The following REV3L variants were observed in gnomAD, a reference collection of about 807,000 sequenced individuals.
REV3L encodes the protein DNA polymerase zeta catalytic subunit.
Under a neutral mutation model 299.4 loss-of-function variants are expected in REV3L, and 69 were observed. That is an observed-to-expected ratio of 0.23 (90% CI 0.19 to 0.28). The LOEUF is 0.28. REV3L is among the 10% of genes least tolerant of loss of function. The pLI, the probability that REV3L is intolerant of heterozygous loss-of-function variation, is 1.00. For synonymous variants in REV3L, 1,238 were observed against 1,271.4 expected (o/e 0.97, Z 0.56); for missense variants, 3,128 against 3,693.8 (o/e 0.85, Z 3.97).
At chr6:111,369,367 C>G (rs1023930880) in intron 13 of REV3L, among the ~76,000 whole-genome samples, 4 of 151,338 alleles carry the variant, frequency 2.6e-5, no homozygotes, top group African/African-American at 9.7e-5. Context: ...ATTGCTATAA[C>G]CCACTGGGAA....
Position 111,367,639 on chromosome 6 carries a change from G to C in REV3L, c.6149C>G (p.Pro2050Arg). ...SVNPDDKPVV[P>R]PKMDVSPCIL... is the part of the protein sequence containing the mutation. The stretch of plus-strand genomic sequence containing the variant: ...ACATGGACTTACATCCATTTTTGGA[G>C]GCACTACAGGTTTGTCATCTGGGTT... Residue 2050 changes from proline to arginine, a missense_variant, in exon 14 of 32, where the codon CCT (proline) becomes CGT (arginine). This residue lies in a region of REV3L where 2,409 missense variants were observed against 2,611.8 expected (regional missense o/e 0.92). Transcript: ENST00000368802. 6.2e-7 allele frequency: 1 copy of C among 1,614,168 alleles called. No homozygotes were observed. The highest frequency in any genetic ancestry group is 8.5e-7 in the Non-Finnish European group (1 of 1,180,024).
chr6:111,435,202 C>G (rs1347499628), intron 1 of REV3L, among the ~76,000 whole-genome samples: 3 of 152,120 alleles, frequency 2.0e-5, no homozygotes, highest in Non-Finnish European at 4.4e-5. Flanking sequence ...ACAGCAAGAT[C>G]CTGTCTCAAA....
chr6:111,412,814 T>C (rs937382615), intron 2 of REV3L, among the ~76,000 whole-genome samples: 1 of 151,434 alleles, frequency 6.6e-6, no homozygotes, highest in African/African-American at 2.4e-5. Flanking sequence ...GGGTTCCTCA[T>C]CTCATCCTTG....
At chr6:111,351,932 G>A (rs1377068990) in intron 18 of REV3L, 141 bp from the exon 19 acceptor site, 2 of 546,168 alleles carry the variant, frequency 3.7e-6, no homozygotes, top group African/African-American at 3.9e-5. Flanking sequence ...GGATGATACA[G>A]TGGTACCTAC....
intron 1 of REV3L, among the ~76,000 whole-genome samples, chr6:111,449,959 T>C (rs183078983): frequency 2.4e-4 from 36 of 152,274 alleles, no homozygotes; most frequent in African/African-American, 8.4e-4. Flanking sequence ...GTAAACTATA[T>C]GTTCAAGAAG....
chr6:111,337,364 T>TG (rs1352741926), intron 21 of REV3L, among the ~76,000 whole-genome samples: 1 of 152,192 alleles, frequency 6.6e-6, no homozygotes, highest in African/African-American at 2.4e-5. Flanking sequence ...ATTTACATTT[T>TG]TAACTTAATA....
intron 2 of REV3L, among the ~76,000 whole-genome samples, chr6:111,415,991 G>A (rs181155871): frequency 6.6e-6 from 1 of 152,214 alleles, no homozygotes; most frequent in African/African-American, 2.4e-5. Flanking sequence ...ACAGTGCTTA[G>A]CACATAAAAA....
chr6:111,365,356 A>C lies in REV3L; in HGVS notation c.6674-12T>G. The C allele has an allele frequency of 6.8e-7, 1 of 1,466,810 alleles. No homozygotes were observed. The highest frequency in any genetic ancestry group is 9.3e-7 in the Non-Finnish European group (1 of 1,079,656). The allele number at this position is 1,466,810 out of a possible 1,614,324, so 90.9% of individuals were successfully genotyped here. A position where few individuals can be genotyped will look rare whatever the true frequency, so the allele number is the denominator to read the frequency against. On this transcript the variant is annotated splice_polypyrimidine_tract_variant and intron_variant, in intron 14 of 31. Coordinates refer to ENST00000368802, the MANE Select transcript of REV3L (RefSeq NM_001372078.1). ...CTGTGTTTTTGGTTCTGTAGAAAGA[A>C]ATTTAATATTTAACATGTATATCAA... is the stretch of plus-strand genomic sequence containing the variant.
At position 111,303,701 on chromosome 6, in the gene REV3L, C is replaced by CT. The variant is rs58366929; in HGVS notation, c.9253-3546dup. Among the ~76,000 whole-genome samples the CT allele has an allele frequency of 6.0e-3, 76 of 12,644 alleles. 8 individuals carry two copies. Among genetic ancestry groups the CT allele is most frequent in the South Asian group, 0.029 (4 of 140 alleles). 8.3% of individuals were successfully genotyped at this position (12,644 alleles called of 152,430 possible). On this transcript the variant is annotated intron_variant, in intron 31 of 31. Coordinates refer to ENST00000368802, the MANE Select transcript of REV3L (RefSeq NM_001372078.1). ...TTTTTTTTTTTTTAACAGACTATGA[C>CT]TTTTTTTTTTTTTTTTTTTTTTTTT... is the stretch of plus-strand genomic sequence containing the variant.
intron 11 of REV3L, 22 bp from the exon 12 acceptor site, chr6:111,377,865 TG>T (rs1780466499): frequency 6.3e-7 from 1 of 1,594,698 alleles, no homozygotes; most frequent in African/African-American, 1.3e-5. Flanking sequence ...TAAAATTCAC[TG>T]GTGAGCATGA....
At chr6:111,319,541 T>C (rs772357311) in intron 26 of REV3L, among the ~76,000 whole-genome samples, 1 of 151,804 alleles carries the variant, frequency 6.6e-6, no homozygotes, top group Non-Finnish European at 1.5e-5. Context: ...GAAGTGGAGA[T>C]GGTTAATGGG....
intron 25 of REV3L, among the ~76,000 whole-genome samples, chr6:111,323,246 C>A (rs1774389848): frequency 6.6e-6 from 1 of 152,148 alleles, no homozygotes; most frequent in East Asian, 1.9e-4. Flanking sequence ...CCTCGGCCTC[C>A]CAAAGTACTG....
intron 3 of REV3L, among the ~76,000 whole-genome samples, chr6:111,406,677 G>A (rs1185638567): frequency 6.6e-6 from 1 of 152,128 alleles, no homozygotes; most frequent in African/African-American, 2.4e-5. Flanking sequence ...CTGGTTAGTG[G>A]TGGTGCAATT....
chr6:111,339,718 T>C (rs1776285256), intron 21 of REV3L, among the ~76,000 whole-genome samples: 1 of 152,170 alleles, frequency 6.6e-6, no homozygotes, highest in African/African-American at 2.4e-5. Flanking sequence ...GAATGGCTAA[T>C]TTAAAAAAAT....
intron 1 of REV3L, among the ~76,000 whole-genome samples, chr6:111,453,280 CTT>C (rs1231938785): frequency 9.2e-5 from 14 of 152,076 alleles, no homozygotes; most frequent in Admixed American, 9.2e-4. Context: ...CACAGAATGA[CTT>C]TATTAGAAGT....
At chr6:111,329,774 A>G in intron 24 of REV3L, 36 bp from the exon 25 acceptor site, 2 of 1,451,442 alleles carry the variant, frequency 1.4e-6, no homozygotes. Flanking sequence ...AAACCCCTCA[A>G]ACATTATAGA....
Position 111,329,390 on chromosome 6 carries a change from T to C in REV3L, c.8241+142A>G. Reference sequence around the variant, plus strand: ...AAAAAGAGATGAGGTCTCACTATGTTGTCCAGGCAGGATTCAACTCTGGGC... The same window carrying C: ...AAAAAGAGATGAGGTCTCACTATGTCGTCCAGGCAGGATTCAACTCTGGGC... On this transcript the variant is annotated intron_variant, in intron 25 of 31. Transcript: ENST00000368802. 5 of 687,052 alleles carry C rather than the reference T, an allele frequency of 7.3e-6. No individual in the cohort carries two copies. The South Asian group carries it at 8.9e-5, about 12-fold the overall frequency. The allele number at this position is 687,052 out of a possible 1,614,324, so 42.6% of individuals were successfully genotyped here. A position where few individuals can be genotyped will look rare whatever the true frequency, so the allele number is the denominator to read the frequency against.
intron 1 of REV3L, among the ~76,000 whole-genome samples, chr6:111,447,925 C>A (rs1424387789): frequency 6.6e-6 from 1 of 152,062 alleles, no homozygotes; most frequent in African/African-American, 2.4e-5. Flanking sequence ...ACTCAACTTC[C>A]TAAGTTAGAA....
intron 24 of REV3L, chr6:111,330,801 A>T (rs1775304860): frequency 5.9e-6 from 1 of 168,400 alleles, no homozygotes; most frequent in Non-Finnish European, 1.2e-5. Flanking sequence ...ATCTGTTTCC[A>T]TTTCTCCAAG....
Sources: allele counts gnomAD v4.1 joint callset (sites outside exome capture counted in the v4.1 genomes callset), GRCh38; gene constraint gnomAD v4.1.1; regional missense constraint gnomAD v4.1.1; transcripts MANE v1.5; gene names NCBI Gene and HGNC (gene_info 2026-07-23, HGNC 2026-07-21).